The following TEX9 variants were observed in gnomAD, a reference collection of about 807,000 sequenced individuals.
The protein encoded by TEX9 is testis expressed 9.
In TEX9, 74 loss-of-function variants were observed where a neutral mutation model predicts 59.6. The ratio of observed to expected loss-of-function variants is 1.24; its 90% CI spans 1.03 to 1.51. The LOEUF (loss-of-function observed/expected upper bound fraction) is 1.51. TEX9 is among the 40% of genes most tolerant of loss of function. The probability of loss-of-function intolerance (pLI) is 0.00; values close to 1 mark genes in which losing one functional copy is unlikely to be tolerated. For synonymous variants in TEX9, 186 were observed against 152.2 expected, an observed-to-expected ratio of 1.22 and a Z score of -1.64; for missense variants, 522 against 447.8, an observed-to-expected ratio of 1.17 and a Z score of -1.49.
chr15:56,276,073 A>ATT (rs1159613272), intron 1 of TEX9, among the ~76,000 whole-genome samples: 4 of 151,788 alleles, frequency 2.6e-5, no homozygotes, highest in Non-Finnish European at 5.9e-5. Context: ...TTCTCTTTTC[A>ATT]TTAGTTTTCA....
At position 56,365,505 on chromosome 15, in the gene TEX9, G is replaced by C; in HGVS notation, c.27+28G>C. ...CAGTTCAACTCCAGGCTCCTGGGGA[G>C]CGTCTGGGTTCCGGCGACTAGGACG... is the stretch of plus-strand genomic sequence containing the variant. On this transcript the variant is annotated intron_variant, in intron 1 of 12. Transcript: ENST00000352903. The C allele has an allele frequency of 3.1e-6, 5 of 1,614,228 alleles. No homozygotes were observed. In the South Asian group the frequency reaches 5.5e-5, roughly 18 times the overall value.
intron 1 of TEX9, among the ~76,000 whole-genome samples, chr15:56,263,489 C>T (rs1596050452): frequency 6.6e-6 from 1 of 151,728 alleles, no homozygotes; most frequent in East Asian, 1.9e-4. Context: ...TCCTAATTTT[C>T]TTGGGGTTAA....
intron 1 of TEX9, among the ~76,000 whole-genome samples, chr15:56,334,311 A>T (rs1324648017): frequency 7.9e-5 from 12 of 152,206 alleles, no homozygotes. Context: ...AAAGACAGAC[A>T]CATAGACCAG....
intron 1 of TEX9, among the ~76,000 whole-genome samples, chr15:56,329,034 A>G (rs1567087560): frequency 6.6e-6 from 1 of 152,144 alleles, no homozygotes; most frequent in Non-Finnish European, 1.5e-5. Flanking sequence ...TGGTGGCCTC[A>G]GAAGTGCTGG....
upstream of TEX9, among the ~76,000 whole-genome samples, chr15:56,362,249 T>C (rs1250120233): frequency 2.0e-5 from 3 of 152,238 alleles, no homozygotes; most frequent in African/African-American, 4.8e-5. Context: ...AGGAGTAGTA[T>C]TGAAGTCTCC....
chr15:56,425,766 CCT>C (rs2050207654), intron 10 of TEX9, among the ~76,000 whole-genome samples: 1 of 151,878 alleles, frequency 6.6e-6, no homozygotes, highest in African/African-American at 2.4e-5. Context: ...TCCATGTTTC[CCT>C]GTTTCTTTGA....
chr15:56,360,078 A>T (rs1370725892), intron 1 of TEX9, among the ~76,000 whole-genome samples: 1 of 152,168 alleles, frequency 6.6e-6, no homozygotes, highest in Non-Finnish European at 1.5e-5. Flanking sequence ...ACTGAGAATA[A>T]ATCCCACTCC....
rs183374859 is a variant in TEX9, at chr15:56,323,121, A to G, written c.-106-50320A>G. 6.0e-5 allele frequency: 13 copies of G among 215,094 alleles called. No homozygotes were observed. In the East Asian group the frequency reaches 1.4e-3, roughly 24 times the overall value. 13.3% of individuals were successfully genotyped at this position (215,094 alleles called of 1,614,324 possible). A position where few individuals can be genotyped will look rare whatever the true frequency, so the allele number is the denominator to read the frequency against. ...AGAAAAAATAACTAACCATGGGCAA[A>G]GGAGATTCTAAGAAGCTGAGAATCA... On this transcript the variant is annotated intron_variant, in intron 1 of 5. Coordinates refer to the TEX9 transcript ENST00000560827.
At chr15:56,315,646 G>T (rs1237822114) in intron 1 of TEX9, among the ~76,000 whole-genome samples, 2 of 145,198 alleles carry the variant, frequency 1.4e-5, no homozygotes, top group South Asian at 4.5e-4. Context: ...TGCTCTTCTC[G>T]AGGAGTATCT....
At chr15:56,370,791 T>C (rs528952254) in intron 2 of TEX9, among the ~76,000 whole-genome samples, 1 of 152,310 alleles carries the variant, frequency 6.6e-6, no homozygotes, top group East Asian at 1.9e-4. Flanking sequence ...ATGAGATCCA[T>C]GTCTTCAGTT....
At chr15:56,425,900 G>T (rs1378998608) in intron 10 of TEX9, among the ~76,000 whole-genome samples, 1 of 152,108 alleles carries the variant, frequency 6.6e-6, no homozygotes, top group Non-Finnish European at 1.5e-5. Flanking sequence ...AAGTCTTGAG[G>T]TCCTCTCAAA....
intron 10 of TEX9, among the ~76,000 whole-genome samples, chr15:56,416,050 G>T (rs2049669726): frequency 6.6e-6 from 1 of 151,794 alleles, no homozygotes; most frequent in Admixed American, 6.6e-5. Context: ...ATATAGGAAT[G>T]CTAGTAATTT....
intron 3 of TEX9, among the ~76,000 whole-genome samples, chr15:56,378,675 TTTTC>T: frequency 6.6e-6 from 1 of 152,168 alleles, no homozygotes; most frequent in Non-Finnish European, 1.5e-5. Context: ...TTCATTGATC[TTTTC>T]TTTATTTCAA....
intron 1 of TEX9, among the ~76,000 whole-genome samples, chr15:56,340,625 A>G (rs181652021): frequency 1.5e-4 from 23 of 151,866 alleles, no homozygotes; most frequent in Admixed American, 1.4e-3. Flanking sequence ...CTCTTATTCC[A>G]CTCTATGCTC....
chr15:56,358,339 G>GT (rs34048615), intron 1 of TEX9, among the ~76,000 whole-genome samples: 37,889 of 144,188 alleles, frequency 0.26, 4,979 homozygotes, highest in Admixed American at 0.33. Context: ...GCATAGATAA[G>GT]TTTTTTTTTT....
At chr15:56,440,498 TACAAAA>T (rs2050799156) in intron 12 of TEX9, among the ~76,000 whole-genome samples, 2 of 152,176 alleles carry the variant, frequency 1.3e-5, no homozygotes, top group Non-Finnish European at 2.9e-5. Flanking sequence ...TTGATGTTTA[TACAAAA>T]ACCTTTACCT....
chr15:56,443,950 G>GT (rs1243165591), intron 12 of TEX9: 4 of 968,818 alleles, frequency 4.1e-6, no homozygotes, highest in African/African-American at 3.3e-5. Flanking sequence ...AAACACTATA[G>GT]TTTTTTCATT....
chr15:56,365,781 G>C (rs1192469926), intron 2 of TEX9, 111 bp downstream of exon 2: 1 of 1,501,168 alleles, frequency 6.7e-7, no homozygotes, highest in African/African-American at 1.4e-5. Context: ...TCACTCTGCA[G>C]CATTCCCTTC....
chr15:56,287,234 G>A (rs1001662700), intron 1 of TEX9, among the ~76,000 whole-genome samples: 1 of 152,146 alleles, frequency 6.6e-6, no homozygotes, highest in Non-Finnish European at 1.5e-5. Context: ...AACTAGAGTA[G>A]AAACTTCCTA....
Sources: gnomAD v4.1 joint callset for allele counts (sites outside exome capture counted in the v4.1 genomes callset) on GRCh38, gnomAD v4.1.1 for gene constraint, MANE v1.5 for transcripts, NCBI Gene and HGNC (gene_info 2026-07-23, HGNC 2026-07-21) for gene names.